Variants in CYB5B observed in about 807,000 individuals in gnomAD.
CYB5B encodes cytochrome b5 type B, also known as cytochrome b5 type B (outer mitochondrial membrane).
In CYB5B, 14 loss-of-function variants were observed where a neutral mutation model predicts 21.3. The ratio of observed to expected loss-of-function variants is 0.66; its 90% CI spans 0.43 to 1.03. The LOEUF (loss-of-function observed/expected upper bound fraction) is 1.03, where lower values mean the gene tolerates loss of function less well. CYB5B is among the 50% of genes least tolerant of loss of function. The pLI is 0.00. For missense variants in CYB5B, 166 were observed against 185.1 expected (o/e 0.90, Z 0.60); for synonymous variants, 69 against 68.4 (o/e 1.01, Z -0.04).
chr16:69,448,119 A>G lies in CYB5B; in HGVS notation c.308A>G (p.Asp103Gly), dbSNP rs778058163. 3.1e-6 allele frequency: 5 copies of G among 1,610,734 alleles called. No individual in the cohort carries two copies. The South Asian group carries it at 4.4e-5, about 14-fold the overall frequency. ...QYYIGDIHPS[D>G]LKPESGSKDP... ...TTGTTTTCCTTTTTTTGACAGAGTGACCTTAAACCTGAAAGTGGTAGCAAG... is the reference window on the plus strand; with the variant it reads ...TTGTTTTCCTTTTTTTGACAGAGTGGCCTTAAACCTGAAAGTGGTAGCAAG... The change falls in exon 3 of 5, where the codon GAC (aspartate) becomes GGC (glycine). Residue 103 changes from aspartate (D) to glycine (G), a missense_variant. Coordinates refer to ENST00000307892, the MANE Select transcript of CYB5B (RefSeq NM_030579.3).
intron 3 of CYB5B, among the ~76,000 whole-genome samples, chr16:69,450,628 A>T (rs964764018): frequency 1.3e-5 from 2 of 152,188 alleles, no homozygotes; most frequent in African/African-American, 2.4e-5. Flanking sequence ...TTAAATAGGG[A>T]CTTGGTGTCT....
intron 4 of CYB5B, among the ~76,000 whole-genome samples, chr16:69,461,487 A>G (rs1464905126): frequency 1.3e-5 from 2 of 152,228 alleles, no homozygotes; most frequent in Non-Finnish European, 2.9e-5. Context: ...GGCAAAGAGA[A>G]TCATTTTTCT....
intron 1 of CYB5B, among the ~76,000 whole-genome samples, chr16:69,432,218 C>T (rs1415286779): frequency 5.9e-5 from 9 of 152,158 alleles, no homozygotes; most frequent in Non-Finnish European, 1.3e-4. Context: ...TGAGGGATGA[C>T]ATTGAAGCAA....
chr16:69,462,156 A>G (rs1037864679), intron 4 of CYB5B, among the ~76,000 whole-genome samples: 2 of 152,234 alleles, frequency 1.3e-5, no homozygotes, highest in African/African-American at 4.8e-5. Flanking sequence ...AGAAATAACC[A>G]CTATATGACT....
intron 4 of CYB5B, among the ~76,000 whole-genome samples, chr16:69,460,497 T>C (rs1268529179): frequency 6.6e-6 from 1 of 152,182 alleles, no homozygotes; most frequent in African/African-American, 2.4e-5. Context: ...CCTAACCAGA[T>C]TGGTAAAAAT....
In CYB5B at chr16:69,458,967, T is replaced by C. The variant is rs1045286268; in HGVS notation, c.334-126T>C. 4 of 806,384 alleles carry C rather than the reference T, an allele frequency of 5.0e-6. No individual in the cohort carries two copies. In the African/African-American group the frequency reaches 5.3e-5, roughly 11 times the overall value. The allele number at this position is 806,384 out of a possible 1,614,324, so 50.0% of individuals were successfully genotyped here. A position where few individuals can be genotyped will look rare whatever the true frequency, so the allele number is the denominator to read the frequency against. ...ATATATTTGTAAACACCAAAATGCA[T>C]GAAAGATGAAGTTCTGGTATCAGTT... is the stretch of plus-strand genomic sequence containing the variant. On this transcript the variant is annotated intron_variant, in intron 3 of 4. Transcript: ENST00000307892.
chr16:69,450,368 G>A (rs2014920847), intron 3 of CYB5B: 1 of 152,118 alleles, frequency 6.6e-6, no homozygotes. Flanking sequence ...GGGTTAAAAA[G>A]TGACTAAAGG....
intron 3 of CYB5B, among the ~76,000 whole-genome samples, chr16:69,458,763 G>A (rs74979435): frequency 0.028 from 4,224 of 152,208 alleles, 87 homozygotes; most frequent in East Asian, 0.063. Context: ...GCTGAACCAG[G>A]TACATCATCA....
chr16:69,454,396 A>C (rs1442812866), intron 3 of CYB5B, among the ~76,000 whole-genome samples: 2 of 152,220 alleles, frequency 1.3e-5, no homozygotes, highest in Non-Finnish European at 2.9e-5. Context: ...GCTTCATGAG[A>C]AGGCTGTCCT....
intron 1 of CYB5B, among the ~76,000 whole-genome samples, chr16:69,429,055 C>A (rs1247977951): frequency 6.6e-6 from 1 of 152,202 alleles, no homozygotes; most frequent in Non-Finnish European, 1.5e-5. Flanking sequence ...CATGATGTGA[C>A]TTAATGGCGT....
At chr16:69,462,348 T>G in intron 4 of CYB5B, 82 bp from the exon 5 acceptor site, 1 of 1,168,876 alleles carries the variant, frequency 8.6e-7, no homozygotes, top group African/African-American at 1.5e-5. Flanking sequence ...CTTGCCTATA[T>G]AAAAACATGT....
chr16:69,463,427 A>C lies in CYB5B; in HGVS notation c.*907A>C, dbSNP rs1355112985. 2 of 152,092 alleles carry C rather than the reference A, an allele frequency of 1.3e-5. No homozygotes were observed. The highest frequency in any genetic ancestry group is 4.8e-5 in the African/African-American group (2 of 41,420). 9.4% of individuals were successfully genotyped at this position (152,092 alleles called of 1,614,324 possible). ...AACTGGTGTTTTCTAAAGAAACAGG[A>C]TAGGAGTTTAGAGAAGGCACCAAAG... On this transcript the variant is annotated 3_prime_UTR_variant, in exon 5 of 5. Transcript: ENST00000307892.
intron 1 of CYB5B, among the ~76,000 whole-genome samples, chr16:69,440,573 A>G (rs980061662): frequency 6.6e-6 from 1 of 152,176 alleles, no homozygotes; most frequent in African/African-American, 2.4e-5. Flanking sequence ...CTTCAGTTCA[A>G]CATGTTGCAT....
rs1235393236 is a variant in CYB5B at position 69,462,992 on chromosome 16, C to T, written c.*472C>T. 1 of 154,554 alleles carries T rather than the reference C, an allele frequency of 6.5e-6. No homozygotes were observed. The highest frequency in any genetic ancestry group is 1.4e-5 in the Non-Finnish European group (1 of 69,542). The allele number at this position is 154,554 out of a possible 1,614,324, so 9.6% of individuals were successfully genotyped here. On this transcript the variant is annotated 3_prime_UTR_variant, in exon 5 of 5. Coordinates refer to ENST00000307892, the MANE Select transcript of CYB5B (RefSeq NM_030579.3). ...GGTGTGGTGGCTCAGGCCTGTAATCCTGGCACTTTGGGAGGCCAAGGTGGG... is the reference window on the plus strand; with the variant it reads ...GGTGTGGTGGCTCAGGCCTGTAATCTTGGCACTTTGGGAGGCCAAGGTGGG...
Position 69,424,865 on chromosome 16 carries a change from C to G in CYB5B, c.174+8C>G. 6.4e-7 allele frequency: 1 copy of G among 1,565,610 alleles called. No homozygotes were observed. Among genetic ancestry groups the G allele is most frequent in the Non-Finnish European group, 8.7e-7 (1 of 1,154,102 alleles). ...ACCCGCTTCCTCAACGAGGTGGGGC[C>G]TGGGAGGTGGGAGGCCTCTGAAGCT... On this transcript the variant is annotated splice_region_variant and intron_variant, in intron 1 of 4. Coordinates refer to ENST00000307892, the MANE Select transcript of CYB5B (RefSeq NM_030579.3).
At chr16:69,435,113 C>G (rs2014747146) in intron 1 of CYB5B, among the ~76,000 whole-genome samples, 1 of 152,078 alleles carries the variant, frequency 6.6e-6, no homozygotes. Flanking sequence ...GTTGAGCTTT[C>G]TACTTTACCA....
intron 3 of CYB5B, 76 bp downstream of exon 3, chr16:69,448,220 T>C (rs1473204790): frequency 2.0e-6 from 3 of 1,520,138 alleles, no homozygotes; most frequent in East Asian, 2.3e-5. Flanking sequence ...ACATTTTTTC[T>C]TAACAAGAGA....
In CYB5B at chr16:69,447,744, T is replaced by G. The variant is rs985772190; in HGVS notation, c.304-371T>G. On this transcript the variant is annotated intron_variant, in intron 2 of 4. Transcript: ENST00000307892. The stretch of plus-strand genomic sequence containing the variant: ...AGTCTTACTGTGCTAGGATATAGCT[T>G]CTTCTTTGCCAGGTAGCACATGTAA... 5.9e-5 allele frequency among the ~76,000 whole-genome samples: 9 copies of G among 152,336 alleles called. No individual in the cohort carries two copies. In the East Asian group the frequency reaches 1.3e-3, roughly 23 times the overall value.
At position 69,448,295 on chromosome 16, in the gene CYB5B, T is replaced by G. The variant is rs543559387; in HGVS notation, c.333+151T>G. ...ATTTTTCTGGAATTTGGACTCAGTA[T>G]CATCTCAGGAATAAAAGAATAGCTG... On this transcript the variant is annotated intron_variant, in intron 3 of 4. Coordinates refer to ENST00000307892, the MANE Select transcript of CYB5B (RefSeq NM_030579.3). The G allele has an allele frequency of 2.3e-5, 19 of 814,116 alleles. No individual in the cohort carries two copies. The African/African-American group carries it at 2.8e-4, about 12-fold the overall frequency. The allele number at this position is 814,116 out of a possible 1,614,324, so 50.4% of individuals were successfully genotyped here.
Sources: gnomAD v4.1 joint callset for allele counts (sites outside exome capture counted in the v4.1 genomes callset) on GRCh38, gnomAD v4.1.1 for gene constraint, MANE v1.5 for transcripts, NCBI Gene and HGNC (gene_info 2026-07-23, HGNC 2026-07-21) for gene names.